The following KL variants were observed in gnomAD, a reference collection of about 807,000 sequenced individuals.
The protein encoded by KL is klotho.
Under a neutral mutation model 84.2 loss-of-function variants are expected in KL, and 62 were observed. The ratio of observed to expected loss-of-function variants is 0.74; its 90% CI spans 0.60 to 0.91. The LOEUF (loss-of-function observed/expected upper bound fraction) is 0.91, where lower values mean the gene tolerates loss of function less well. KL is among the 40% of genes least tolerant of loss of function. The pLI, the probability that KL is intolerant of heterozygous loss-of-function variation, is 0.00. For synonymous variants in KL, 528 were observed against 528.0 expected (o/e 1.00, Z 0.00); for missense variants, 1,261 against 1,305.7 (o/e 0.97, Z 0.53).
chr13:33,049,212 G>T (rs1402440188), intron 1 of KL, among the ~76,000 whole-genome samples: 2 of 152,116 alleles, frequency 1.3e-5, no homozygotes, highest in African/African-American at 4.8e-5. Context: ...GATCTTGAAA[G>T]CAAAATAAGA....
intron 1 of KL, among the ~76,000 whole-genome samples, chr13:33,050,488 C>T (rs1871702916): frequency 6.6e-6 from 1 of 152,218 alleles, no homozygotes; most frequent in Non-Finnish European, 1.5e-5. Flanking sequence ...CAATGAGGGC[C>T]TCCGTGTGCC....
chr13:33,017,091 G>C lies in KL; in HGVS notation c.651G>C (p.Arg217Ser). The change falls in exon 1 of 5, where the codon AGG becomes AGC. Residue 217 changes from arginine (R) to serine (S), a missense_variant. By Grantham distance (110) the Arg-to-Ser change is moderately radical (BLOSUM62 -1). Transcript: ENST00000380099. ...ACCGCGCCCTGGCCGACCACTTCAG[G>C]GATTACGCGGAGCTCTGCTTCCGCC... ...WANRALADHFRDYAELCFRHF... is the reference protein window; with the variant it reads ...WANRALADHFSDYAELCFRHF... The C allele has an allele frequency of 6.2e-7, 1 of 1,605,536 alleles. No individual in the cohort carries two copies. The highest frequency in any genetic ancestry group is 8.5e-7 in the Non-Finnish European group (1 of 1,179,712).
chr13:33,035,352 T>G (rs1871117816), intron 1 of KL, among the ~76,000 whole-genome samples: 1 of 152,180 alleles, frequency 6.6e-6, no homozygotes, highest in Non-Finnish European at 1.5e-5. Flanking sequence ...AGCAGGAGAA[T>G]TAGATAAGGA....
chr13:33,050,470 T>C lies in KL; in HGVS notation c.820-3297T>C, dbSNP rs1352959060. ...GGTGGTGAAGCTGGTTCAACTCAGT[T>C]TAACAGACAATGAGGGCCTCCGTGT... On this transcript the variant is annotated intron_variant, in intron 1 of 4. Coordinates refer to ENST00000380099, the MANE Select transcript of KL (RefSeq NM_004795.4). Among the ~76,000 whole-genome samples the C allele has an allele frequency of 4.6e-5, 7 of 152,296 alleles. No homozygotes were observed. The East Asian group carries it at 1.2e-3, about 25-fold the overall frequency.
At chr13:33,026,527 T>G (rs1175464337) in intron 1 of KL, among the ~76,000 whole-genome samples, 1 of 152,156 alleles carries the variant, frequency 6.6e-6, no homozygotes, top group African/African-American at 2.4e-5. Context: ...AATTATAGCT[T>G]GGAAAATTGG....
intron 1 of KL, among the ~76,000 whole-genome samples, chr13:33,047,356 CTTT>C (rs57916391): frequency 6.5e-5 from 9 of 139,194 alleles, no homozygotes; most frequent in Admixed American, 7.2e-5. Context: ...AATCTACTTT[CTTT>C]TTTTTTTTTT....
rs763015575 is a variant in KL at position 33,061,319 on chromosome 13, A to T, written c.2240A>T (p.Glu747Val). Residue 747 changes from glutamate to valine, a missense_variant, in exon 4 of 5, where the codon GAG becomes GTG. By Grantham distance (121) the Glu-to-Val change is moderately radical. Transcript: ENST00000380099. ...TGCCCTTTCTCCCAAAAGGACAAAGAGGTGGCTGAGAGAGTTTTGGAATTT... is the reference window on the plus strand; with the variant it reads ...TGCCCTTTCTCCCAAAAGGACAAAGTGGTGGCTGAGAGAGTTTTGGAATTT... ...PACPFSQKDK[E>V]VAERVLEFDI... 1 of 1,614,206 alleles carries T rather than the reference A, an allele frequency of 6.2e-7. No individual in the cohort carries two copies. Among genetic ancestry groups the T allele is most frequent in the East Asian group, 2.2e-5 (1 of 44,880 alleles).
upstream of KL, chr13:33,016,410 G>T: frequency 1.2e-6 from 1 of 821,542 alleles, no homozygotes; most frequent in Non-Finnish European, 1.5e-6. Flanking sequence ...GGGGCGCGGC[G>T]CGGGGCCCCG....
intron 3 of KL, 136 bp from the exon 4 acceptor site, chr13:33,060,543 A>G (rs1480114561): frequency 1.0e-6 from 1 of 969,978 alleles, no homozygotes; most frequent in East Asian, 2.5e-5. Context: ...ACAATTTATG[A>G]AAAATAGTTC....
chr13:33,023,165 C>G (rs1870636776), intron 1 of KL, among the ~76,000 whole-genome samples: 1 of 152,168 alleles, frequency 6.6e-6, no homozygotes, highest in African/African-American at 2.4e-5. Flanking sequence ...TAATTGTCCC[C>G]TGAGGAGCCG....
chr13:33,054,151 G>A lies in KL; in HGVS notation c.1204G>A (p.Asp402Asn), dbSNP rs1163141135. 1.9e-6 allele frequency: 3 copies of A among 1,613,820 alleles called. No individual in the cohort carries two copies. Among genetic ancestry groups the A allele is most frequent in the Admixed American group, 3.3e-5 (2 of 59,974 alleles). Residue 402 changes from aspartate to asparagine, a missense_variant, in exon 2 of 5, where the codon GAC (aspartate) becomes AAC (asparagine). Coordinates refer to ENST00000380099, the MANE Select transcript of KL (RefSeq NM_004795.4). ...CCTGAGGCAACTGCTTTCCTGGATT[G>A]ACCTTGAATTTAACCATCCTCAAAT... ...PNLRQLLSWIDLEFNHPQIFI... is the reference protein window; with the variant it reads ...PNLRQLLSWINLEFNHPQIFI...
At chr13:33,044,640 CTTTTTTTTTTT>C (rs71071071) in intron 1 of KL, among the ~76,000 whole-genome samples, 2 of 52,752 alleles carry the variant, frequency 3.8e-5, no homozygotes, top group African/African-American at 1.7e-4. Flanking sequence ...AATTGATTTT[CTTTTTTTTTTT>C]TTTTTTTTTT....
intron 1 of KL, among the ~76,000 whole-genome samples, chr13:33,019,414 G>A (rs527373154): frequency 1.3e-5 from 2 of 152,202 alleles, no homozygotes; most frequent in South Asian, 4.2e-4. Flanking sequence ...TATTGCTGCT[G>A]TACAGATATA....
chr13:33,061,492 G>A lies in KL; in HGVS notation c.2413G>A (p.Ala805Thr). 1 of 1,614,110 alleles carries A rather than the reference G, an allele frequency of 6.2e-7. No individual in the cohort carries two copies. The highest frequency in any genetic ancestry group is 8.5e-7 in the Non-Finnish European group (1 of 1,180,012). Residue 805 changes from alanine to threonine, a missense_variant, in exon 4 of 5, where the codon GCT becomes ACT. Physicochemically the swap from Ala to Thr is moderately conservative, Grantham distance 58 (BLOSUM62 0). Coordinates refer to ENST00000380099, the MANE Select transcript of KL (RefSeq NM_004795.4). ...KLIQGTFDFL[A>T]LSHYTTILVD... Reference sequence around the variant, plus strand: ...AATCCAGGGTACCTTTGACTTTTTGGCTTTAAGCCATTATACCACCATCCT... The same window carrying A: ...AATCCAGGGTACCTTTGACTTTTTGACTTTAAGCCATTATACCACCATCCT...
intron 1 of KL, among the ~76,000 whole-genome samples, chr13:33,035,329 G>A (rs1212329604): frequency 6.6e-6 from 1 of 152,218 alleles, no homozygotes; most frequent in African/African-American, 2.4e-5. Context: ...GGCATCTGCT[G>A]TTGATAACTT....
At chr13:33,049,921 G>C (rs1379328292) in intron 1 of KL, among the ~76,000 whole-genome samples, 1 of 152,184 alleles carries the variant, frequency 6.6e-6, no homozygotes, top group Admixed American at 6.5e-5. Flanking sequence ...CAATCCTGCT[G>C]TAAAACAGGT....
intron 1 of KL, among the ~76,000 whole-genome samples, chr13:33,033,600 C>A (rs529469173): frequency 6.6e-6 from 1 of 152,236 alleles, no homozygotes; most frequent in East Asian, 1.9e-4. Context: ...ACAGAACCAA[C>A]CCTTCACTTT....
rs1871627608 is a variant in KL at position 33,048,647 on chromosome 13, T to C, written c.820-5120T>C. On this transcript the variant is annotated intron_variant, in intron 1 of 4. Coordinates refer to ENST00000380099, the MANE Select transcript of KL (RefSeq NM_004795.4). ...GAGTCCTCATCATTGCTTTCTTCCT[T>C]TTCAGCTCAGCAATACTGCTGTGTA... is the stretch of plus-strand genomic sequence containing the variant. 2.6e-5 allele frequency among the ~76,000 whole-genome samples: 4 copies of C among 152,190 alleles called. No individual in the cohort carries two copies. In the South Asian group the frequency reaches 8.3e-4, roughly 32 times the overall value.
At chr13:33,057,770 C>G (rs952081696) in intron 3 of KL, among the ~76,000 whole-genome samples, 4 of 142,954 alleles carry the variant, frequency 2.8e-5, no homozygotes, top group African/African-American at 5.2e-5. Context: ...TTGACAGTAC[C>G]CTTCTCAAGC....
Sources: allele counts gnomAD v4.1 joint callset (sites outside exome capture counted in the v4.1 genomes callset), GRCh38; gene constraint gnomAD v4.1.1; transcripts MANE v1.5; gene names NCBI Gene and HGNC (gene_info 2026-07-23, HGNC 2026-07-21).